OLA1: variants seen among roughly 807,000 people sequenced by gnomAD.
OLA1 encodes the protein Obg like ATPase 1, also known as obg-like ATPase 1.
In OLA1, 14 loss-of-function variants were observed where a neutral mutation model predicts 48.4. That is an observed-to-expected ratio of 0.29 (90% CI 0.19 to 0.45). The LOEUF is 0.45. Among genes scored for constraint, OLA1 ranks in the 20% least tolerant of loss-of-function variants. The pLI, the probability that OLA1 is intolerant of heterozygous loss-of-function variation, is 1.00. For missense variants in OLA1, 325 were observed against 467.1 expected (o/e 0.70, Z 2.80); for synonymous variants, 127 against 150.4 (o/e 0.84, Z 1.14).
chr2:174,184,710 G>C (rs1013576614), intron 4 of OLA1, among the ~76,000 whole-genome samples: 2 of 152,190 alleles, frequency 1.3e-5, no homozygotes, highest in Admixed American at 1.3e-4. Flanking sequence ...AACTGAGTGA[G>C]GGGTATATGA....
chr2:174,218,676 T>C (rs1048634489), intron 4 of OLA1, among the ~76,000 whole-genome samples: 4 of 152,176 alleles, frequency 2.6e-5, no homozygotes, highest in African/African-American at 9.7e-5. Context: ...CAAACAAACC[T>C]ACTGAAAATA....
rs918499750 is a variant in OLA1 at position 174,162,017 on chromosome 2, T to C, written c.374-20017A>G. Among the ~76,000 whole-genome samples, 3 of 151,934 alleles carry C rather than the reference T, an allele frequency of 2.0e-5. No homozygotes were observed. The East Asian group carries it at 5.8e-4, about 29-fold the overall frequency. ...ACTAAACCATGGCATCAAAAAATGA[T>C]CCTACATGTAGAAGGCTCCTAATCT... On this transcript the variant is annotated intron_variant, in intron 4 of 10. Transcript: ENST00000284719.
chr2:174,171,322 A>G (rs1262811712), intron 4 of OLA1, among the ~76,000 whole-genome samples: 1 of 152,246 alleles, frequency 6.6e-6, no homozygotes, highest in Non-Finnish European at 1.5e-5. Context: ...ATAACAAAAC[A>G]TATTCTTTTC....
chr2:174,144,945 AAAAAAAATATATAT>A (rs1251611817), intron 4 of OLA1, among the ~76,000 whole-genome samples: 1 of 68,312 alleles, frequency 1.5e-5, no homozygotes. Context: ...AAAAAAAAAA[AAAAAAAATATATAT>A]ATATATATAT....
chr2:174,165,963 A>C (rs964063381), intron 4 of OLA1, among the ~76,000 whole-genome samples: 22 of 152,160 alleles, frequency 1.4e-4, no homozygotes, highest in African/African-American at 5.3e-4. Context: ...CTCCACCAAA[A>C]AATACAAAAA....
chr2:174,126,989 T>C (rs1686060373), intron 5 of OLA1, among the ~76,000 whole-genome samples: 1 of 152,236 alleles, frequency 6.6e-6, no homozygotes. Context: ...TAAATGACTA[T>C]CTTTTAACTG....
At chr2:174,111,103 C>T (rs766447494) in intron 7 of OLA1, among the ~76,000 whole-genome samples, 9 of 152,100 alleles carry the variant, frequency 5.9e-5, no homozygotes, top group Non-Finnish European at 1.2e-4. Context: ...ATATATGTAA[C>T]ATATTTTATT....
At chr2:174,235,690 T>C (rs1382210266) in intron 2 of OLA1, among the ~76,000 whole-genome samples, 1 of 152,118 alleles carries the variant, frequency 6.6e-6, no homozygotes, top group Non-Finnish European at 1.5e-5. Context: ...CCAAGGCAGC[T>C]AGAATTTATG....
chr2:174,232,854 T>C (rs1688764039), intron 2 of OLA1, among the ~76,000 whole-genome samples: 2 of 152,326 alleles, frequency 1.3e-5, no homozygotes, highest in African/African-American at 2.4e-5. Context: ...ATCTCACTTC[T>C]GGGTATATAT....
At chr2:174,154,036 T>C (rs1184787933) in intron 4 of OLA1, among the ~76,000 whole-genome samples, 1 of 152,034 alleles carries the variant, frequency 6.6e-6, no homozygotes, top group Admixed American at 6.5e-5. Context: ...CTGGCTAATT[T>C]TTTTGTTTGT....
intron 5 of OLA1, among the ~76,000 whole-genome samples, chr2:174,138,302 A>G (rs1053541967): frequency 1.3e-5 from 2 of 152,194 alleles, no homozygotes; most frequent in African/African-American, 2.4e-5. Context: ...CCCAATTTCA[A>G]TGTTGTGTCT....
At chr2:174,200,459 A>G (rs1479751247) in intron 4 of OLA1, among the ~76,000 whole-genome samples, 1 of 152,230 alleles carries the variant, frequency 6.6e-6, no homozygotes, top group Non-Finnish European at 1.5e-5. Context: ...GGCTATTTCC[A>G]GAACTGGGGA....
At chr2:174,163,718 ATATATATATATATATAT>A (rs1687074389) in intron 4 of OLA1, among the ~76,000 whole-genome samples, 1 of 7,678 alleles carries the variant, frequency 1.3e-4, no homozygotes, top group African/African-American at 6.4e-4. Flanking sequence ...ATAAATATAT[ATATATATATATATATAT>A]ATATATATAT....
chr2:174,080,140 A>AT (rs1005722711), intron 9 of OLA1, among the ~76,000 whole-genome samples: 1 of 152,006 alleles, frequency 6.6e-6, no homozygotes, highest in Admixed American at 6.6e-5. Flanking sequence ...TCAATCAAAC[A>AT]TTTTTTTACA....
rs189363478 is a variant in OLA1, at chr2:174,095,079, G to A, written c.729-13015C>T. Among the ~76,000 whole-genome samples the A allele has an allele frequency of 1.2e-4, 18 of 152,040 alleles. No homozygotes were observed. In the East Asian group the frequency reaches 1.4e-3, roughly 11 times the overall value. ...GATGGATATTTGGGTTGCTTCTATC[G>A]CTAGCTGTTGTAAATAATGCTGTAA... On this transcript the variant is annotated intron_variant, in intron 7 of 10. Transcript: ENST00000284719.
rs73972497 is a variant in OLA1, at chr2:174,192,677, G to T, written c.373+30356C>A. On this transcript the variant is annotated intron_variant, in intron 4 of 10. Coordinates refer to ENST00000284719, the MANE Select transcript of OLA1 (RefSeq NM_013341.5). ...TGCTTTAACATTTCTTGTAGAGTAG[G>T]TCTACTGGCAATGAATTCCTAGTCT... Among the ~76,000 whole-genome samples, 1,090 of 152,180 alleles carry T rather than the reference G, an allele frequency of 7.2e-3. 15 individuals carry two copies. Among genetic ancestry groups the T allele is most frequent in the African/African-American group, 0.025 (1,030 of 41,516 alleles).
At chr2:174,101,100 A>G (rs918016963) in intron 7 of OLA1, among the ~76,000 whole-genome samples, 4 of 152,196 alleles carry the variant, frequency 2.6e-5, no homozygotes, top group Non-Finnish European at 5.9e-5. Context: ...GAAAACGCCA[A>G]TTTTCCAAAG....
chr2:174,118,821 A>G (rs1685843655), intron 7 of OLA1, among the ~76,000 whole-genome samples: 1 of 152,168 alleles, frequency 6.6e-6, no homozygotes, highest in South Asian at 2.1e-4. Context: ...ATCATTGGCT[A>G]TAAATAGTAT....
At chr2:174,197,770 C>A (rs2105429312) in intron 4 of OLA1, among the ~76,000 whole-genome samples, 1 of 152,308 alleles carries the variant, frequency 6.6e-6, no homozygotes, top group African/African-American at 2.4e-5. Flanking sequence ...CTCTTACAGT[C>A]ACATTAATAT....
Sources: allele counts gnomAD v4.1 joint callset (sites outside exome capture counted in the v4.1 genomes callset), GRCh38; gene constraint gnomAD v4.1.1; transcripts MANE v1.5; gene names NCBI Gene and HGNC (gene_info 2026-07-23, HGNC 2026-07-21).